EDIL3: variants seen among roughly 807,000 people sequenced by gnomAD.
EDIL3 encodes EGF like and discoidin domains 3.
EDIL3 carries 37 observed loss-of-function variants against 67.4 expected under a neutral mutation model. The ratio of observed to expected loss-of-function variants is 0.55; its 90% CI spans 0.42 to 0.72. EDIL3 has a LOEUF of 0.72. Among genes scored for constraint, EDIL3 ranks in the 30% least tolerant of loss-of-function variants. The pLI, the probability that EDIL3 is intolerant of heterozygous loss-of-function variation, is 0.00. For synonymous variants in EDIL3, 195 were observed against 196.3 expected, an observed-to-expected ratio of 0.99 and a Z score of 0.05; for missense variants, 527 against 586.3, an observed-to-expected ratio of 0.90 and a Z score of 1.04.
intron 3 of EDIL3, among the ~76,000 whole-genome samples, chr5:84,186,798 T>C (rs138839093): frequency 7.2e-4 from 109 of 152,044 alleles, no homozygotes; most frequent in African/African-American, 2.5e-3. Flanking sequence ...AGATCAAAGT[T>C]TGAGAACAAA....
At chr5:84,028,136 G>A (rs1580286874) in intron 9 of EDIL3, among the ~76,000 whole-genome samples, 1 of 152,018 alleles carries the variant, frequency 6.6e-6, no homozygotes, top group South Asian at 2.1e-4. Context: ...ATCCATGCAG[G>A]ACTATCAATT....
intron 9 of EDIL3, among the ~76,000 whole-genome samples, chr5:84,009,537 A>G (rs1476750756): frequency 2.0e-5 from 3 of 152,214 alleles, no homozygotes; most frequent in African/African-American, 4.8e-5. Flanking sequence ...AAAAACCTAC[A>G]CGTGCTAACA....
intron 1 of EDIL3, among the ~76,000 whole-genome samples, chr5:84,357,379 G>C (rs2112197088): frequency 1.3e-5 from 2 of 152,130 alleles, no homozygotes; most frequent in Middle Eastern, 3.4e-3. Context: ...TTCTGTTAAA[G>C]TGAATACTAT....
intron 9 of EDIL3, among the ~76,000 whole-genome samples, chr5:84,036,754 G>GT (rs1319876639): frequency 6.6e-6 from 1 of 152,098 alleles, no homozygotes; most frequent in African/African-American, 2.4e-5. Flanking sequence ...GAGCTGCTGA[G>GT]TTTTAATAGT....
At chr5:84,119,610 G>T (rs974371919) in intron 5 of EDIL3, among the ~76,000 whole-genome samples, 3 of 151,966 alleles carry the variant, frequency 2.0e-5, no homozygotes, top group African/African-American at 4.8e-5. Flanking sequence ...TCTTCATTGT[G>T]GTACAAAATG....
chr5:84,088,989 T>C (rs1747119021), intron 6 of EDIL3, among the ~76,000 whole-genome samples: 1 of 152,214 alleles, frequency 6.6e-6, no homozygotes. Flanking sequence ...CAAAGTTCAG[T>C]GTATCTCTTC....
Position 84,125,133 on chromosome 5 carries a change from CGAG to C in EDIL3, c.469+12105_469+12107del, listed in dbSNP as rs139722943. ...GAATGAGACAGAGGGGCCAGAAACC[CGAG>C]TAGTATGTAAACCTTCATCGTAATG... On this transcript the variant is annotated intron_variant, in intron 5 of 10. Transcript: ENST00000296591. Among the ~76,000 whole-genome samples, 13 of 151,962 alleles carry C rather than the reference CGAG, an allele frequency of 8.6e-5. No individual in the cohort carries two copies. The East Asian group carries it at 1.9e-3, about 23-fold the overall frequency.
intron 5 of EDIL3, among the ~76,000 whole-genome samples, chr5:84,109,582 A>T (rs748849115): frequency 6.6e-6 from 1 of 152,228 alleles, no homozygotes; most frequent in Non-Finnish European, 1.5e-5. Flanking sequence ...ATGATATATT[A>T]TAGGGTTATA....
intron 4 of EDIL3, among the ~76,000 whole-genome samples, chr5:84,150,599 A>C (rs1311495483): frequency 6.6e-6 from 1 of 152,200 alleles, no homozygotes; most frequent in Admixed American, 6.5e-5. Flanking sequence ...GTCACTACCC[A>C]ACGATTACAA....
At chr5:84,074,860 A>C (rs1746820369) in intron 6 of EDIL3, among the ~76,000 whole-genome samples, 1 of 152,202 alleles carries the variant, frequency 6.6e-6, no homozygotes, top group Non-Finnish European at 1.5e-5. Context: ...TATATGCCCA[A>C]AGGACTATAA....
At chr5:84,245,484 T>C (rs766323273) in intron 2 of EDIL3, among the ~76,000 whole-genome samples, 1 of 152,190 alleles carries the variant, frequency 6.6e-6, no homozygotes, top group Non-Finnish European at 1.5e-5. Context: ...AATGACTTGC[T>C]TTATTTGGAT....
At chr5:84,284,418 T>C (rs1247947314) in intron 1 of EDIL3, among the ~76,000 whole-genome samples, 1 of 152,090 alleles carries the variant, frequency 6.6e-6, no homozygotes, top group Non-Finnish European at 1.5e-5. Flanking sequence ...TTGTCCTATT[T>C]ACTGGTCCCC....
chr5:84,124,697 A>T (rs1317041221), intron 5 of EDIL3, among the ~76,000 whole-genome samples: 4 of 151,880 alleles, frequency 2.6e-5, no homozygotes, highest in Admixed American at 2.6e-4. Flanking sequence ...ACAAAAAAAA[A>T]TAGTTTTACT....
intron 10 of EDIL3, among the ~76,000 whole-genome samples, chr5:83,944,949 G>A (rs1323903405): frequency 1.3e-5 from 2 of 151,866 alleles, no homozygotes; most frequent in African/African-American, 4.8e-5. Context: ...TCAGCATTCT[G>A]AAATTAAAGG....
intron 9 of EDIL3, among the ~76,000 whole-genome samples, chr5:83,990,071 A>G (rs1000886252): frequency 1.3e-5 from 2 of 152,166 alleles, no homozygotes; most frequent in African/African-American, 4.8e-5. Context: ...CAACAACTTA[A>G]TTGCAACCTT....
At chr5:84,156,373 T>G (rs1361125312) in intron 4 of EDIL3, among the ~76,000 whole-genome samples, 1 of 152,174 alleles carries the variant, frequency 6.6e-6, no homozygotes, top group Non-Finnish European at 1.5e-5. Context: ...TCTACTTCCA[T>G]TTCAGACTTT....
At chr5:84,345,000 A>AT (rs1489645505) in intron 1 of EDIL3, among the ~76,000 whole-genome samples, 1 of 152,162 alleles carries the variant, frequency 6.6e-6, no homozygotes. Flanking sequence ...CTTACAAAGC[A>AT]TTTTAGGAGG....
At chr5:84,203,901 A>T (rs1193358777) in intron 3 of EDIL3, among the ~76,000 whole-genome samples, 2 of 152,204 alleles carry the variant, frequency 1.3e-5, no homozygotes, top group East Asian at 3.8e-4. Context: ...TTTTTAAAAA[A>T]ATACTTGGAA....
chr5:84,095,725 A>G (rs895193718), intron 6 of EDIL3, among the ~76,000 whole-genome samples: 2 of 152,208 alleles, frequency 1.3e-5, no homozygotes, highest in African/African-American at 4.8e-5. Flanking sequence ...AATGCAATAG[A>G]AAAGAAAAAT....
Sources: gnomAD v4.1 joint callset for allele counts (sites outside exome capture counted in the v4.1 genomes callset) on GRCh38, gnomAD v4.1.1 for gene constraint, MANE v1.5 for transcripts, NCBI Gene and HGNC (gene_info 2026-07-23, HGNC 2026-07-21) for gene names.